Variants in CAMK2D observed in about 807,000 individuals in gnomAD.
CAMK2D encodes the protein calcium/calmodulin dependent protein kinase II delta.
In CAMK2D, 37 loss-of-function variants were observed where a neutral mutation model predicts 84.0. The observed-to-expected ratio is 0.44, with a 90% confidence interval of 0.34 to 0.58. The LOEUF (loss-of-function observed/expected upper bound fraction) is 0.58. CAMK2D is among the 20% of genes least tolerant of loss of function. The probability of loss-of-function intolerance (pLI) is 0.02; values close to 1 mark genes in which losing one functional copy is unlikely to be tolerated. For synonymous variants in CAMK2D, 202 were observed against 212.5 expected (o/e 0.95, Z 0.43); for missense variants, 448 against 652.5 (o/e 0.69, Z 3.41).
chr4:113,454,640 C>A, intron 20 of CAMK2D, 125 bp from the exon 21 acceptor site: 1 of 652,654 alleles, frequency 1.5e-6, no homozygotes, highest in East Asian at 2.7e-5. Flanking sequence ...ATTGAAAACA[C>A]TATGTATAAG....
At position 113,636,556 on chromosome 4, in the gene CAMK2D, A is replaced by ATATTTAT. The variant is rs558967450; in HGVS notation, c.220+25150_220+25156dup. Among the ~76,000 whole-genome samples, 15 of 152,280 alleles carry ATATTTAT rather than the reference A, an allele frequency of 9.9e-5. No individual in the cohort carries two copies. The South Asian group carries it at 2.5e-3, about 25-fold the overall frequency. On this transcript the variant is annotated intron_variant, in intron 3 of 20. Coordinates refer to ENST00000511664, the MANE Select transcript of CAMK2D (RefSeq NM_001321571.2). ...CCATTAGACTGGTGGCTTACACAAC[A>ATATTTAT]TATTTATTTCTCACAGTTCCGGAGG...
intron 6 of CAMK2D, among the ~76,000 whole-genome samples, chr4:113,541,001 C>T (rs2098526481): frequency 6.6e-6 from 1 of 152,172 alleles, no homozygotes. Context: ...GTGTCAACAA[C>T]CATTTATAGC....
Position 113,670,560 on chromosome 4 carries a change from C to G in CAMK2D, c.161-8788G>C, listed in dbSNP as rs77354446. Among the ~76,000 whole-genome samples, 765 of 152,050 alleles carry G rather than the reference C, an allele frequency of 5.0e-3. 14 individuals carry two copies. Among genetic ancestry groups the G allele is most frequent in the African/African-American group, 0.018 (738 of 41,478 alleles). On this transcript the variant is annotated intron_variant, in intron 2 of 20. Coordinates refer to ENST00000511664, the MANE Select transcript of CAMK2D (RefSeq NM_001321571.2). ...ATATATTAACTCTACCCTCAGTCTA[C>G]AATCAAATAGTACTTTCCTTAGATG...
intron 3 of CAMK2D, among the ~76,000 whole-genome samples, chr4:113,633,862 C>A (rs1045595025): frequency 1.3e-5 from 2 of 152,160 alleles, no homozygotes; most frequent in African/African-American, 4.8e-5. Flanking sequence ...GAGCATCATG[C>A]CTGGCACAGG....
intron 13 of CAMK2D, among the ~76,000 whole-genome samples, chr4:113,509,035 ATT>A (rs2098171537): frequency 6.6e-6 from 1 of 152,218 alleles, no homozygotes; most frequent in Non-Finnish European, 1.5e-5. Context: ...AAACTGTATT[ATT>A]TTGTTTAGAA....
chr4:113,485,012 A>G (rs1028673182), intron 16 of CAMK2D, among the ~76,000 whole-genome samples: 3 of 152,194 alleles, frequency 2.0e-5, no homozygotes, highest in Non-Finnish European at 4.4e-5. Context: ...GAGGGATTCC[A>G]TAAATCCCCA....
chr4:113,600,646 A>C (rs1285170979), intron 4 of CAMK2D, among the ~76,000 whole-genome samples: 1 of 152,148 alleles, frequency 6.6e-6, no homozygotes, highest in Non-Finnish European at 1.5e-5. Context: ...TACCATTTTT[A>C]TTTTAAATTG....
intron 4 of CAMK2D, among the ~76,000 whole-genome samples, chr4:113,571,033 T>G (rs969655268): frequency 3.3e-5 from 5 of 152,124 alleles, no homozygotes; most frequent in Admixed American, 3.3e-4. Context: ...GGCCAACAGG[T>G]GTATGAAAAA....
chr4:113,503,376 A>C, intron 14 of CAMK2D: 2 of 483,714 alleles, frequency 4.1e-6, no homozygotes, highest in Non-Finnish European at 8.0e-6. Context: ...AGATGATTTC[A>C]AATTCTCAGA....
intron 16 of CAMK2D, among the ~76,000 whole-genome samples, chr4:113,479,895 A>G (rs535646682): frequency 1.3e-5 from 2 of 152,284 alleles, no homozygotes; most frequent in Admixed American, 6.5e-5. Flanking sequence ...TATTGTTATT[A>G]TTATTTTCAG....
chr4:113,582,639 T>C (rs1458711369), intron 4 of CAMK2D, among the ~76,000 whole-genome samples: 1 of 152,236 alleles, frequency 6.6e-6, no homozygotes, highest in Non-Finnish European at 1.5e-5. Context: ...ACATTATATA[T>C]ATTGATACTG....
chr4:113,637,951 C>G (rs935963620), intron 3 of CAMK2D, among the ~76,000 whole-genome samples: 1 of 152,134 alleles, frequency 6.6e-6, no homozygotes, highest in South Asian at 2.1e-4. Flanking sequence ...GAAAGAATAG[C>G]AGCCTTGTCC....
chr4:113,483,566 C>T (rs1055588395), intron 16 of CAMK2D, among the ~76,000 whole-genome samples: 11 of 151,990 alleles, frequency 7.2e-5, no homozygotes, highest in African/African-American at 1.5e-4. Context: ...CCACCACACC[C>T]GGCTAATTTT....
chr4:113,521,949 T>C (rs2098365645), intron 8 of CAMK2D, among the ~76,000 whole-genome samples: 1 of 152,166 alleles, frequency 6.6e-6, no homozygotes, highest in Admixed American at 6.5e-5. Context: ...GTTAAAACTA[T>C]TTTTGATAGA....
At chr4:113,650,256 A>G (rs542596755) in intron 3 of CAMK2D, among the ~76,000 whole-genome samples, 8 of 151,970 alleles carry the variant, frequency 5.3e-5, no homozygotes, top group Non-Finnish European at 1.0e-4. Context: ...GTGGTGGCTC[A>G]TGCCTGTAAT....
At chr4:113,466,774 T>G (rs1426666633) in intron 16 of CAMK2D, among the ~76,000 whole-genome samples, 1 of 152,224 alleles carries the variant, frequency 6.6e-6, no homozygotes, top group Non-Finnish European at 1.5e-5. Flanking sequence ...CCTCAAGTGT[T>G]CTTTCTCTTT....
At position 113,675,530 on chromosome 4, in the gene CAMK2D, C is replaced by T. The variant is rs373472313; in HGVS notation, c.161-13758G>A. Reference sequence around the variant, plus strand: ...ATCCCCATATCAGAGAATGCCCCTCCGTGCAATTTCTGTCAAAAGGATCTA... The same window carrying T: ...ATCCCCATATCAGAGAATGCCCCTCTGTGCAATTTCTGTCAAAAGGATCTA... On this transcript the variant is annotated intron_variant, in intron 2 of 20. Transcript: ENST00000511664. 3.4e-4 allele frequency among the ~76,000 whole-genome samples: 51 copies of T among 152,098 alleles called. No individual in the cohort carries two copies. The East Asian group carries it at 7.7e-3, about 23-fold the overall frequency.
chr4:113,684,355 T>C (rs575217029), intron 2 of CAMK2D, among the ~76,000 whole-genome samples: 1 of 152,332 alleles, frequency 6.6e-6, no homozygotes, highest in East Asian at 1.9e-4. Flanking sequence ...TGTATGCATG[T>C]GTATGTATCT....
chr4:113,462,706 A>G (rs1023038387), intron 17 of CAMK2D, among the ~76,000 whole-genome samples: 4 of 152,186 alleles, frequency 2.6e-5, no homozygotes, highest in Non-Finnish European at 5.9e-5. Flanking sequence ...CTCCCTATAT[A>G]ACAGTAGTAT....
Sources: allele counts gnomAD v4.1 joint callset (sites outside exome capture counted in the v4.1 genomes callset), GRCh38; gene constraint gnomAD v4.1.1; transcripts MANE v1.5; gene names NCBI Gene and HGNC (gene_info 2026-07-23, HGNC 2026-07-21).